The following CADPS variants were observed in gnomAD, a reference collection of about 807,000 sequenced individuals.
CADPS encodes the protein calcium dependent secretion activator, also known as calcium-dependent secretion activator 1.
A neutral mutation model predicts 167.3 loss-of-function variants in CADPS; 57 were observed. The ratio of observed to expected loss-of-function variants is 0.34; its 90% CI spans 0.28 to 0.42. The LOEUF is 0.42. Among genes scored for constraint, CADPS ranks in the 20% least tolerant of loss-of-function variants. The pLI, the probability that CADPS is intolerant of heterozygous loss-of-function variation, is 1.00. For missense variants in CADPS, 1,414 were observed against 1,738.1 expected, an observed-to-expected ratio of 0.81 and a Z score of 3.32; for synonymous variants, 676 against 635.3, an observed-to-expected ratio of 1.06 and a Z score of -0.96.
At chr3:62,492,504 A>G in intron 19 of CADPS, 58 bp from the exon 20 acceptor site, 1 of 1,531,680 alleles carries the variant, frequency 6.5e-7, no homozygotes, top group Non-Finnish European at 9.0e-7. Flanking sequence ...TTTCTCGGAC[A>G]TAAGACGTGA....
intron 28 of CADPS, among the ~76,000 whole-genome samples, chr3:62,435,647 T>C (rs2054851167): frequency 6.6e-6 from 1 of 152,162 alleles, no homozygotes; most frequent in African/African-American, 2.4e-5. Context: ...ACTTGTTATC[T>C]CTAAATAAGC....
chr3:62,428,512 C>T (rs1025507820), intron 28 of CADPS, among the ~76,000 whole-genome samples: 16 of 151,944 alleles, frequency 1.1e-4, no homozygotes, highest in African/African-American at 3.6e-4. Flanking sequence ...AAGCTTTTCC[C>T]ATCATTGCAT....
intron 28 of CADPS, among the ~76,000 whole-genome samples, chr3:62,432,052 C>A (rs1334347081): frequency 6.6e-6 from 1 of 151,772 alleles, no homozygotes; most frequent in African/African-American, 2.4e-5. Flanking sequence ...TCTGCCCCCA[C>A]CCCCCAAAAC....
Position 62,611,793 on chromosome 3 carries a change from A to G in CADPS, c.1326-19045T>C, listed in dbSNP as rs79273512. Among the ~76,000 whole-genome samples, 574 of 152,330 alleles carry G rather than the reference A, an allele frequency of 3.8e-3. 3 individuals are homozygous for G. Among genetic ancestry groups the G allele is most frequent in the Non-Finnish European group, 4.3e-3 (290 of 68,026 alleles). On this transcript the variant is annotated intron_variant, in intron 6 of 29. Transcript: ENST00000383710. ...CTGCATGAATCACTCAGCTTGTTCC[A>G]GGAGTGCTGGGGATATTACTTTACG...
chr3:62,860,769 C>T (rs1393054256), intron 1 of CADPS, among the ~76,000 whole-genome samples: 2 of 152,172 alleles, frequency 1.3e-5, no homozygotes, highest in Non-Finnish European at 2.9e-5. Flanking sequence ...TCTTATGCTT[C>T]CTATTTATGC....
intron 28 of CADPS, among the ~76,000 whole-genome samples, chr3:62,418,487 A>AT (rs5849477): frequency 0.04 from 3,570 of 88,380 alleles, 11 homozygotes; most frequent in East Asian, 0.053. Flanking sequence ...ACCATGCCCT[A>AT]TTTTTTTTTT....
intron 29 of CADPS, among the ~76,000 whole-genome samples, chr3:62,401,989 C>T (rs978919231): frequency 2.0e-5 from 3 of 152,026 alleles, no homozygotes; most frequent in Non-Finnish European, 4.4e-5. Context: ...TTGAGCTGGT[C>T]CTAAGGAACT....
intron 7 of CADPS, among the ~76,000 whole-genome samples, chr3:62,591,672 T>G (rs536584274): frequency 3.9e-5 from 6 of 152,130 alleles, no homozygotes; most frequent in Non-Finnish European, 8.8e-5. Context: ...GGCTTCTTGG[T>G]GCAGAGTCAA....
intron 4 of CADPS, among the ~76,000 whole-genome samples, chr3:62,658,604 TA>T (rs1231171159): frequency 6.6e-6 from 1 of 152,036 alleles, no homozygotes; most frequent in African/African-American, 2.4e-5. Context: ...GTAAAATGCT[TA>T]AAAGAGTATC....
At chr3:62,639,875 C>T (rs1216146161) in intron 6 of CADPS, among the ~76,000 whole-genome samples, 1 of 152,078 alleles carries the variant, frequency 6.6e-6, no homozygotes, top group Non-Finnish European at 1.5e-5. Flanking sequence ...CACATCAAGC[C>T]CCTCCCTACC....
intron 21 of CADPS, among the ~76,000 whole-genome samples, chr3:62,486,297 T>C (rs1355182036): frequency 1.3e-5 from 2 of 151,772 alleles, no homozygotes; most frequent in Admixed American, 6.6e-5. Context: ...CACAAAAAAT[T>C]AGCTGGGCGT....
intron 28 of CADPS, among the ~76,000 whole-genome samples, chr3:62,407,765 T>C (rs1288265959): frequency 1.3e-5 from 2 of 152,216 alleles, no homozygotes; most frequent in Non-Finnish European, 2.9e-5. Flanking sequence ...GACAGAGTCT[T>C]GCTCTGTGTT....
chr3:62,842,917 G>A (rs1233431925), intron 1 of CADPS, among the ~76,000 whole-genome samples: 1 of 152,112 alleles, frequency 6.6e-6, no homozygotes, highest in Non-Finnish European at 1.5e-5. Context: ...TTCCCTGAAG[G>A]TTCACAGACC....
At chr3:62,456,764 A>T (rs953511028) in intron 26 of CADPS, among the ~76,000 whole-genome samples, 11 of 66,782 alleles carry the variant, frequency 1.6e-4, no homozygotes, top group Admixed American at 1.5e-3. Context: ...ATCACTGTCT[A>T]AAAAAAAAAA....
chr3:62,873,553 C>T (rs1378549273), intron 1 of CADPS, among the ~76,000 whole-genome samples: 1 of 151,890 alleles, frequency 6.6e-6, no homozygotes, highest in Non-Finnish European at 1.5e-5. Context: ...CCGCCACTGC[C>T]CCTCATCTTG....
intron 27 of CADPS, among the ~76,000 whole-genome samples, chr3:62,441,914 C>T (rs2056378448): frequency 6.6e-6 from 1 of 152,084 alleles, no homozygotes; most frequent in Admixed American, 6.6e-5. Context: ...CATTGGTTTC[C>T]CAACTTGTAC....
At chr3:62,494,106 T>A (rs9827144) in intron 18 of CADPS, among the ~76,000 whole-genome samples, 1 of 152,104 alleles carries the variant, frequency 6.6e-6, no homozygotes, top group East Asian at 1.9e-4. Flanking sequence ...CTGAGAAAGT[T>A]GAGATCAAGT....
At chr3:62,865,385 T>TAAAAAAAAAAAAAAA (rs35780515) in intron 1 of CADPS, among the ~76,000 whole-genome samples, 1 of 110,150 alleles carries the variant, frequency 9.1e-6, no homozygotes. Flanking sequence ...ACTTAAGGAT[T>TAAAAAAAAAAAAAAA]AAAAAAAAAA....
chr3:62,734,850 T>C (rs1398182112), intron 3 of CADPS, among the ~76,000 whole-genome samples: 4 of 152,204 alleles, frequency 2.6e-5, no homozygotes, highest in African/African-American at 9.6e-5. Flanking sequence ...ATCCTCCCCA[T>C]AGCAATGTAG....
Sources: gnomAD v4.1 joint callset for allele counts (sites outside exome capture counted in the v4.1 genomes callset) on GRCh38, gnomAD v4.1.1 for gene constraint, MANE v1.5 for transcripts, NCBI Gene and HGNC (gene_info 2026-07-23, HGNC 2026-07-21) for gene names.